DPP6: variants seen among roughly 807,000 people sequenced by gnomAD.
DPP6 encodes dipeptidyl peptidase like 6, also known as A-type potassium channel modulatory protein DPP6.
A neutral mutation model predicts 122.6 loss-of-function variants in DPP6; 69 were observed. The ratio of observed to expected loss-of-function variants is 0.56; its 90% CI spans 0.46 to 0.69. The LOEUF (loss-of-function observed/expected upper bound fraction) is 0.69. DPP6 is among the 30% of genes least tolerant of loss of function. The pLI, the probability that DPP6 is intolerant of heterozygous loss-of-function variation, is 0.00. For missense variants in DPP6, 928 were observed against 1,116.9 expected (o/e 0.83, Z 2.41); for synonymous variants, 418 against 433.1 (o/e 0.97, Z 0.43).
At chr7:154,652,461 A>G (rs544119311) in intron 6 of DPP6, among the ~76,000 whole-genome samples, 2 of 150,680 alleles carry the variant, frequency 1.3e-5, no homozygotes, top group South Asian at 2.1e-4. Context: ...AAATAATCCC[A>G]TGGAGAGCCT....
At chr7:153,993,494 G>C (rs748649326) in intron 1 of DPP6, among the ~76,000 whole-genome samples, 1 of 152,166 alleles carries the variant, frequency 6.6e-6, no homozygotes, top group Non-Finnish European at 1.5e-5. Flanking sequence ...TGTATTCTTC[G>C]TGATGTATCA....
In DPP6 at chr7:154,349,025, C is replaced by T. The variant is rs114720411; in HGVS notation, c.244-97189C>T. 1.1e-3 allele frequency among the ~76,000 whole-genome samples: 175 copies of T among 152,332 alleles called. 3 individuals carry two copies. Among genetic ancestry groups the T allele is most frequent in the African/African-American group, 4.0e-3 (165 of 41,580 alleles). ...TATAAAAAACTATATCTCATTAATACACCTTCCAACTGGGCAGAGGATGGG... is the reference window on the plus strand; with the variant it reads ...TATAAAAAACTATATCTCATTAATATACCTTCCAACTGGGCAGAGGATGGG... On this transcript the variant is annotated intron_variant, in intron 1 of 25. Coordinates refer to ENST00000377770, the MANE Select transcript of DPP6 (RefSeq NM_130797.4).
chr7:154,522,125 G>T (rs7786235), intron 3 of DPP6, among the ~76,000 whole-genome samples: 1 of 151,928 alleles, frequency 6.6e-6, no homozygotes, highest in Admixed American at 6.6e-5. Flanking sequence ...CACCACGCCC[G>T]GCTAATTTTT....
upstream of DPP6, among the ~76,000 whole-genome samples, chr7:153,882,363 G>A (rs946843666): frequency 2.0e-5 from 3 of 152,256 alleles, no homozygotes; most frequent in South Asian, 2.1e-4. Flanking sequence ...GTTGACTGTC[G>A]CTTTTACAAA....
At chr7:153,871,460 A>T in the DPP6 span, among the ~76,000 whole-genome samples, 1 of 152,190 alleles carries the variant, frequency 6.6e-6, no homozygotes, top group Admixed American at 6.5e-5. Flanking sequence ...CAAGTGCGGG[A>T]TATAATCTCC....
intron 1 of DPP6, among the ~76,000 whole-genome samples, chr7:154,377,039 A>T (rs191495442): frequency 5.2e-4 from 79 of 152,268 alleles, no homozygotes; most frequent in African/African-American, 1.8e-3. Context: ...ATAATAATAA[A>T]AAACCTAACA....
At chr7:154,166,510 C>A (rs1797256547) in intron 1 of DPP6, among the ~76,000 whole-genome samples, 1 of 152,022 alleles carries the variant, frequency 6.6e-6, no homozygotes, top group South Asian at 2.1e-4. Context: ...ACTACAGAAA[C>A]AATCCTCCCC....
intron 1 of DPP6, among the ~76,000 whole-genome samples, chr7:154,194,960 A>C (rs929009328): frequency 9.9e-5 from 15 of 152,222 alleles, no homozygotes; most frequent in African/African-American, 3.6e-4. Flanking sequence ...TTCTCTTAAC[A>C]GTATCATTAG....
chr7:154,243,919 G>A (rs1169839551), intron 1 of DPP6, among the ~76,000 whole-genome samples: 2 of 151,932 alleles, frequency 1.3e-5, no homozygotes, highest in Non-Finnish European at 2.9e-5. Context: ...CAGTGAACTA[G>A]CAGGACAGCA....
At chr7:154,496,382 G>A (rs1040087319) in intron 3 of DPP6, among the ~76,000 whole-genome samples, 18 of 152,166 alleles carry the variant, frequency 1.2e-4, no homozygotes, top group African/African-American at 3.1e-4. Flanking sequence ...AACTTGACCC[G>A]AAGGGGAGCT....
At chr7:154,692,351 A>C (rs546366641) in intron 7 of DPP6, among the ~76,000 whole-genome samples, 1 of 152,334 alleles carries the variant, frequency 6.6e-6, no homozygotes, top group African/African-American at 2.4e-5. Context: ...TTATTGGGCA[A>C]ATCTGAGGTA....
chr7:153,880,059 T>G, the DPP6 span, among the ~76,000 whole-genome samples: 1 of 152,192 alleles, frequency 6.6e-6, no homozygotes. Flanking sequence ...ATTAACAAGG[T>G]TCATTTATGA....
intron 1 of DPP6, among the ~76,000 whole-genome samples, chr7:154,223,660 G>A (rs1385639898): frequency 6.7e-6 from 1 of 149,192 alleles, no homozygotes; most frequent in East Asian, 1.9e-4. Flanking sequence ...AAGTCCTGTT[G>A]GGCGGGGGCA....
intron 5 of DPP6, among the ~76,000 whole-genome samples, chr7:154,602,750 CTT>C (rs199615219): frequency 0.14 from 12,869 of 90,864 alleles, 3,534 homozygotes; most frequent in Middle Eastern, 0.33. Context: ...ATTCTTAATC[CTT>C]TTTTTTTTTT....
At chr7:154,764,010 C>G (rs1412275989) in intron 8 of DPP6, among the ~76,000 whole-genome samples, 2 of 151,802 alleles carry the variant, frequency 1.3e-5, no homozygotes, top group Admixed American at 6.6e-5. Context: ...CCACCTCCAT[C>G]TGCACCACAC....
chr7:153,921,984 A>G (rs1366511995), intron 1 of DPP6, among the ~76,000 whole-genome samples: 6 of 152,218 alleles, frequency 3.9e-5, no homozygotes, highest in Admixed American at 1.3e-4. Context: ...TGCCTACTGC[A>G]TGGGAACAGG....
At chr7:154,551,169 T>C (rs1192218968) in intron 4 of DPP6, among the ~76,000 whole-genome samples, 1 of 152,210 alleles carries the variant, frequency 6.6e-6, no homozygotes, top group Non-Finnish European at 1.5e-5. Context: ...ATTTTCAATG[T>C]TTACATTTTA....
intron 5 of DPP6, among the ~76,000 whole-genome samples, chr7:154,579,659 C>T (rs1225525759): frequency 6.6e-6 from 1 of 152,162 alleles, no homozygotes; most frequent in Non-Finnish European, 1.5e-5. Context: ...CCAGCCATGT[C>T]CTCTTCTGCC....
the DPP6 span, among the ~76,000 whole-genome samples, chr7:153,752,551 C>T: frequency 3.5e-3 from 531 of 151,750 alleles, 5 homozygotes; most frequent in Middle Eastern, 6.9e-3. Flanking sequence ...GCCCGGCCAA[C>T]AGCCTCTTTT....
Sources: gnomAD v4.1 joint callset for allele counts (sites outside exome capture counted in the v4.1 genomes callset) on GRCh38, gnomAD v4.1.1 for gene constraint, MANE v1.5 for transcripts, NCBI Gene and HGNC (gene_info 2026-07-23, HGNC 2026-07-21) for gene names.